The following TMTC2 variants were observed in gnomAD, a reference collection of about 807,000 sequenced individuals.
TMTC2 encodes protein O-mannosyl-transferase TMTC2.
Under a neutral mutation model 82.4 loss-of-function variants are expected in TMTC2, and 43 were observed. That is an observed-to-expected ratio of 0.52 (90% CI 0.41 to 0.67). The LOEUF is 0.67. TMTC2 is among the 30% of genes least tolerant of loss of function. TMTC2 has a pLI of 0.00. For missense variants in TMTC2, 919 were observed against 1,012.4 expected (o/e 0.91, Z 1.25); for synonymous variants, 408 against 381.9 (o/e 1.07, Z -0.80).
intron 1 of TMTC2, among the ~76,000 whole-genome samples, chr12:82,775,541 A>G (rs1041842693): frequency 2.0e-5 from 3 of 152,246 alleles, no homozygotes; most frequent in Admixed American, 6.5e-5. Flanking sequence ...TATGTGAGAC[A>G]TGCAAATGGA....
intron 7 of TMTC2, among the ~76,000 whole-genome samples, chr12:82,979,810 G>A (rs1194445502): frequency 6.6e-6 from 1 of 151,606 alleles, no homozygotes; most frequent in African/African-American, 2.4e-5. Context: ...CTCAGCTTTT[G>A]TCTGGGACAG....
At chr12:83,095,796 T>C (rs896867130) in intron 11 of TMTC2, among the ~76,000 whole-genome samples, 4 of 152,154 alleles carry the variant, frequency 2.6e-5, no homozygotes, top group Admixed American at 6.5e-5. Context: ...GTTGGCCCTG[T>C]AATTAGGTTA....
intron 3 of TMTC2, among the ~76,000 whole-genome samples, chr12:82,907,582 A>T (rs1874393038): frequency 6.6e-6 from 1 of 152,094 alleles, no homozygotes. Context: ...ACCACAACAG[A>T]CTCAGTGCAA....
Position 82,857,156 on chromosome 12 carries a change from A to G in TMTC2, c.230A>G (p.His77Arg). ...TGCACTCTTTCTTTTCGCCTGAACC[A>G]TGCCATTGGAGGGTTGAATCCCTGG... is the stretch of plus-strand genomic sequence containing the variant. ...PLCTLSFRLNHAIGGLNPWSY... is the reference protein window; with the variant it reads ...PLCTLSFRLNRAIGGLNPWSY... Residue 77 changes from histidine (H) to arginine (R), a missense_variant, in exon 2 of 12, where the codon CAT (histidine) becomes CGT (arginine). His to Arg is a conservative substitution (Grantham distance 29, BLOSUM62 0). Coordinates refer to ENST00000321196, the MANE Select transcript of TMTC2 (RefSeq NM_152588.3). 3 of 1,614,122 alleles carry G rather than the reference A, an allele frequency of 1.9e-6. No individual in the cohort carries two copies. The highest frequency in any genetic ancestry group is 2.5e-6 in the Non-Finnish European group (3 of 1,180,018).
intron 11 of TMTC2, among the ~76,000 whole-genome samples, chr12:83,098,244 T>A (rs1884097973): frequency 6.6e-6 from 1 of 152,232 alleles, no homozygotes; most frequent in Admixed American, 6.5e-5. Context: ...GAGCTCTTCA[T>A]GTTAGTTATT....
chr12:83,030,695 A>G (rs920575153), intron 8 of TMTC2, 103 bp from the exon 9 acceptor site: 22 of 894,072 alleles, frequency 2.5e-5, no homozygotes, highest in South Asian at 1.8e-5. Flanking sequence ...TTCCTTTCCT[A>G]TGATGATTAC....
chr12:82,883,894 G>T (rs528740408), intron 2 of TMTC2, among the ~76,000 whole-genome samples: 1 of 151,986 alleles, frequency 6.6e-6, no homozygotes, highest in Non-Finnish European at 1.5e-5. Context: ...AACTTTTTTT[G>T]TTGTTGTTTC....
chr12:82,924,193 A>G (rs1014087875), intron 3 of TMTC2, among the ~76,000 whole-genome samples: 2 of 152,208 alleles, frequency 1.3e-5, no homozygotes, highest in African/African-American at 4.8e-5. Context: ...GAGAACAGCT[A>G]CACCATGGAG....
chr12:82,995,228 C>T (rs1224079466), intron 8 of TMTC2, among the ~76,000 whole-genome samples: 1 of 152,066 alleles, frequency 6.6e-6, no homozygotes, highest in African/African-American at 2.4e-5. Context: ...AGTGATGGTA[C>T]AGACAATATA....
chr12:83,094,324 A>G (rs11608753), intron 11 of TMTC2, among the ~76,000 whole-genome samples: 18 of 152,198 alleles, frequency 1.2e-4, no homozygotes, highest in Non-Finnish European at 2.2e-4. Context: ...TCTGGGGAGC[A>G]TTTCCACTTT....
intron 1 of TMTC2, among the ~76,000 whole-genome samples, chr12:82,708,587 T>C (rs1873481261): frequency 6.6e-6 from 1 of 152,220 alleles, no homozygotes; most frequent in Non-Finnish European, 1.5e-5. Flanking sequence ...CTGTAAGTCT[T>C]TGTGTGCTGG....
intron 8 of TMTC2, among the ~76,000 whole-genome samples, chr12:83,012,911 T>C (rs1054153555): frequency 6.6e-6 from 1 of 152,204 alleles, no homozygotes; most frequent in Non-Finnish European, 1.5e-5. Context: ...TTATAATATT[T>C]ATGTATTTCA....
intron 11 of TMTC2, among the ~76,000 whole-genome samples, chr12:83,074,649 G>C (rs1050378445): frequency 6.6e-6 from 1 of 151,972 alleles, no homozygotes; most frequent in East Asian, 1.9e-4. Context: ...GCCTCACCCA[G>C]GTCCCATACA....
At chr12:83,071,023 C>A (rs1296450190) in intron 11 of TMTC2, among the ~76,000 whole-genome samples, 2 of 152,172 alleles carry the variant, frequency 1.3e-5, no homozygotes, top group African/African-American at 2.4e-5. Context: ...ACCATTCCTG[C>A]ATCCCTGCTA....
intron 11 of TMTC2, among the ~76,000 whole-genome samples, chr12:83,068,733 T>TA (rs1342391767): frequency 4.6e-5 from 7 of 152,112 alleles, no homozygotes; most frequent in Non-Finnish European, 8.8e-5. Context: ...TATTTTTCCA[T>TA]AAGTTGGGGT....
intron 2 of TMTC2, among the ~76,000 whole-genome samples, chr12:82,863,140 G>A (rs1361693458): frequency 4.6e-5 from 7 of 152,006 alleles, no homozygotes; most frequent in Admixed American, 1.3e-4. Flanking sequence ...ACTAGGTTGT[G>A]GTTTTGCCTA....
At chr12:82,908,169 A>G (rs1874426706) in intron 3 of TMTC2, among the ~76,000 whole-genome samples, 1 of 152,192 alleles carries the variant, frequency 6.6e-6, no homozygotes, top group South Asian at 2.1e-4. Flanking sequence ...TATATGAAAT[A>G]TATCATTCAT....
At chr12:82,810,961 G>T (rs1868363921) in intron 1 of TMTC2, among the ~76,000 whole-genome samples, 1 of 152,156 alleles carries the variant, frequency 6.6e-6, no homozygotes, top group Non-Finnish European at 1.5e-5. Flanking sequence ...CAGGAGCGGT[G>T]GCTCACGCCT....
chr12:82,959,599 G>T (rs1449417839), intron 4 of TMTC2, among the ~76,000 whole-genome samples: 1 of 152,082 alleles, frequency 6.6e-6, no homozygotes, highest in Admixed American at 6.6e-5. Flanking sequence ...AGTAAATAAT[G>T]CTGGGATAGC....
Sources: gnomAD v4.1 joint callset for allele counts (sites outside exome capture counted in the v4.1 genomes callset) on GRCh38, gnomAD v4.1.1 for gene constraint, MANE v1.5 for transcripts, NCBI Gene and HGNC (gene_info 2026-07-23, HGNC 2026-07-21) for gene names.